The following CSNK1G3 variants were observed in gnomAD, a reference collection of about 807,000 sequenced individuals.
The protein encoded by CSNK1G3 is casein kinase 1 gamma 3, also known as casein kinase I isoform gamma-3.
Under a neutral mutation model 64.3 loss-of-function variants are expected in CSNK1G3, and 23 were observed. The ratio of observed to expected loss-of-function variants is 0.36; its 90% CI spans 0.26 to 0.51. CSNK1G3 has a LOEUF of 0.51. CSNK1G3 is among the 20% of genes least tolerant of loss of function. CSNK1G3 has a pLI of 0.96. For synonymous variants in CSNK1G3, 158 were observed against 162.2 expected, an observed-to-expected ratio of 0.97 and a Z score of 0.20; for missense variants, 357 against 510.5, an observed-to-expected ratio of 0.70 and a Z score of 2.90.
chr5:123,554,143 T>G (rs1002918232), intron 3 of CSNK1G3, among the ~76,000 whole-genome samples: 1 of 152,182 alleles, frequency 6.6e-6, no homozygotes, highest in Non-Finnish European at 1.5e-5. Flanking sequence ...AGACCAAGTT[T>G]TAGTGTAACA....
intron 3 of CSNK1G3, among the ~76,000 whole-genome samples, chr5:123,556,443 C>G (rs763148166): frequency 6.6e-6 from 1 of 151,952 alleles, no homozygotes; most frequent in Non-Finnish European, 1.5e-5. Flanking sequence ...ACTGGATTGT[C>G]CAGGTGTCTG....
intron 7 of CSNK1G3, 32 bp downstream of exon 7, chr5:123,588,185 C>A: frequency 6.3e-6 from 9 of 1,435,192 alleles, no homozygotes; most frequent in Non-Finnish European, 8.8e-6. Flanking sequence ...TATTGAATTT[C>A]ATAAAATATT....
chr5:123,513,466 G>C (rs1322419862), intron 1 of CSNK1G3, among the ~76,000 whole-genome samples: 1 of 152,126 alleles, frequency 6.6e-6, no homozygotes, highest in Non-Finnish European at 1.5e-5. Context: ...TTGATACACT[G>C]TGTGAATTAC....
chr5:123,597,683 T>G (rs1396977119), intron 10 of CSNK1G3, among the ~76,000 whole-genome samples: 1 of 125,028 alleles, frequency 8.0e-6, no homozygotes, highest in Non-Finnish European at 1.9e-5. Context: ...TTTCCAGAAT[T>G]ATTATATAGC....
intron 4 of CSNK1G3, among the ~76,000 whole-genome samples, chr5:123,564,270 A>G (rs1786383923): frequency 6.6e-6 from 1 of 152,018 alleles, no homozygotes; most frequent in South Asian, 2.1e-4. Flanking sequence ...TATATGGTGC[A>G]GGCATTAGTG....
chr5:123,545,590 C>T (rs1481778113), exon 2 of CSNK1G3: 2 of 1,239,642 alleles, frequency 1.6e-6, no homozygotes, highest in African/African-American at 3.0e-5. Context: ...AGTGATGTAC[C>T]TATTTTCACA....
At chr5:123,528,296 C>A (rs931585487) in intron 1 of CSNK1G3, among the ~76,000 whole-genome samples, 10 of 151,978 alleles carry the variant, frequency 6.6e-5, no homozygotes, top group African/African-American at 2.2e-4. Context: ...CTATAAATTG[C>A]CTGCCTGCCC....
intron 1 of CSNK1G3, among the ~76,000 whole-genome samples, chr5:123,540,531 T>G (rs1286922682): frequency 6.6e-6 from 1 of 152,200 alleles, no homozygotes; most frequent in Non-Finnish European, 1.5e-5. Context: ...TTCTAATTTC[T>G]CTTGTGATTT....
intron 4 of CSNK1G3, among the ~76,000 whole-genome samples, chr5:123,561,637 G>A (rs115647514): frequency 6.6e-6 from 1 of 152,132 alleles, no homozygotes; most frequent in Admixed American, 6.6e-5. Context: ...TACTATTTGT[G>A]TAAAGACAAC....
rs1266010458 is a variant in CSNK1G3 at position 123,544,992 on chromosome 5, A to G, written c.-247-425A>G. On this transcript the variant is annotated intron_variant, in intron 1 of 12. Transcript: ENST00000345990. ...AAAAAGACTTTGAAAATTATTAAGT[A>G]TATGAACATGGGGAATATATTTTTA... 3.3e-5 allele frequency among the ~76,000 whole-genome samples: 5 copies of G among 152,180 alleles called. No individual in the cohort carries two copies. The East Asian group carries it at 7.7e-4, about 23-fold the overall frequency.
At chr5:123,540,807 A>G (rs1050429205) in intron 1 of CSNK1G3, among the ~76,000 whole-genome samples, 1 of 151,914 alleles carries the variant, frequency 6.6e-6, no homozygotes, top group Admixed American at 6.6e-5. Context: ...TAATTTTTGT[A>G]TTTTTAACCA....
At chr5:123,593,214 C>T (rs1333447866) in intron 10 of CSNK1G3, among the ~76,000 whole-genome samples, 1 of 151,302 alleles carries the variant, frequency 6.6e-6, no homozygotes, top group Non-Finnish European at 1.5e-5. Context: ...CACACACACA[C>T]ACACACACAC....
chr5:123,539,189 C>T (rs1781292877), intron 1 of CSNK1G3, among the ~76,000 whole-genome samples: 1 of 152,032 alleles, frequency 6.6e-6, no homozygotes, highest in African/African-American at 2.4e-5. Flanking sequence ...TCTCATTGGG[C>T]TGTAATGCCA....
chr5:123,557,036 T>C (rs1222570545), intron 3 of CSNK1G3, among the ~76,000 whole-genome samples: 2 of 152,094 alleles, frequency 1.3e-5, no homozygotes, highest in African/African-American at 4.8e-5. Flanking sequence ...ATATAAGTTA[T>C]ACTTTAGTGA....
chr5:123,518,242 C>G (rs1240124170), intron 1 of CSNK1G3, among the ~76,000 whole-genome samples: 1 of 152,178 alleles, frequency 6.6e-6, no homozygotes, highest in Non-Finnish European at 1.5e-5. Flanking sequence ...TAGCTCAGTC[C>G]AAATGGAAAG....
chr5:123,596,096 T>G (rs1793390336), intron 10 of CSNK1G3, among the ~76,000 whole-genome samples: 1 of 152,100 alleles, frequency 6.6e-6, no homozygotes, highest in East Asian at 1.9e-4. Flanking sequence ...TTTCTTGATT[T>G]GAGTTCTAAA....
chr5:123,533,393 G>A (rs7713311), intron 1 of CSNK1G3, among the ~76,000 whole-genome samples: 90,915 of 151,582 alleles, frequency 0.6, 28,398 homozygotes, highest in African/African-American at 0.77. Flanking sequence ...TCTATCGTAC[G>A]GTATTATGAC....
At chr5:123,523,427 T>G (rs1306355621) in intron 1 of CSNK1G3, among the ~76,000 whole-genome samples, 1 of 152,164 alleles carries the variant, frequency 6.6e-6, no homozygotes, top group African/African-American at 2.4e-5. Context: ...GTTACAGTGT[T>G]TTTTTCTGTG....
At chr5:123,573,680 G>T (rs551359394) in intron 5 of CSNK1G3, 139 bp downstream of exon 5, 4 of 635,418 alleles carry the variant, frequency 6.3e-6, no homozygotes, top group South Asian at 6.1e-5. Context: ...TTTTCATGTT[G>T]TCTTTCTGGG....
Sources: gnomAD v4.1 joint callset for allele counts (sites outside exome capture counted in the v4.1 genomes callset) on GRCh38, gnomAD v4.1.1 for gene constraint, MANE v1.5 for transcripts, NCBI Gene and HGNC (gene_info 2026-07-23, HGNC 2026-07-21) for gene names.